Variants in TNKS observed in about 807,000 individuals in gnomAD.
TNKS encodes the protein poly [ADP-ribose] polymerase tankyrase-1.
Under a neutral mutation model 135.8 loss-of-function variants are expected in TNKS, and 72 were observed. The observed-to-expected ratio is 0.53, with a 90% CI of 0.44 to 0.64. The LOEUF (loss-of-function observed/expected upper bound fraction) is 0.64. TNKS is among the 30% of genes least tolerant of loss of function. The probability of loss-of-function intolerance (pLI) is 0.00; values close to 1 mark genes in which losing one functional copy is unlikely to be tolerated. For synonymous variants in TNKS, 849 were observed against 649.3 expected (o/e 1.31, Z -4.68); for missense variants, 1,769 against 1,674.0 (o/e 1.06, Z -0.99).
At chr8:9,650,274 C>T (rs1046760032) in intron 3 of TNKS, among the ~76,000 whole-genome samples, 3 of 152,116 alleles carry the variant, frequency 2.0e-5, no homozygotes, top group African/African-American at 4.8e-5. Flanking sequence ...AATTGTGCTG[C>T]TGTAAACATG....
At chr8:9,579,006 T>C (rs1798061920) in intron 1 of TNKS, among the ~76,000 whole-genome samples, 2 of 152,210 alleles carry the variant, frequency 1.3e-5, no homozygotes, top group Admixed American at 1.3e-4. Flanking sequence ...TACTGGACTT[T>C]GCATAATGTT....
At chr8:9,609,898 G>C (rs4483157) in intron 2 of TNKS, among the ~76,000 whole-genome samples, 43,743 of 151,694 alleles carry the variant, frequency 0.29, 6,594 homozygotes, top group East Asian at 0.38. Context: ...CGCTCTGTCG[G>C]CCAGGCTGGA....
chr8:9,580,487 G>C, intron 2 of TNKS, 104 bp downstream of exon 2: 1 of 998,034 alleles, frequency 1.0e-6, no homozygotes, highest in Non-Finnish European at 1.4e-6. Flanking sequence ...AGGGTTTATT[G>C]CTTCTTGTAG....
At chr8:9,617,009 C>G (rs1471036103) in intron 3 of TNKS, among the ~76,000 whole-genome samples, 1 of 152,186 alleles carries the variant, frequency 6.6e-6, no homozygotes, top group Non-Finnish European at 1.5e-5. Flanking sequence ...GAGCAAGACT[C>G]TTTGTATATC....
chr8:9,742,521 C>A (rs948271177), intron 17 of TNKS, among the ~76,000 whole-genome samples: 8 of 151,558 alleles, frequency 5.3e-5, no homozygotes, highest in African/African-American at 1.9e-4. Context: ...AGTAACCAAT[C>A]AGTAACCATA....
chr8:9,651,245 T>G (rs1267772328), intron 3 of TNKS, among the ~76,000 whole-genome samples: 1 of 152,194 alleles, frequency 6.6e-6, no homozygotes, highest in Non-Finnish European at 1.5e-5. Context: ...TTGGTTTTTT[T>G]AATCTTTAAT....
intron 3 of TNKS, among the ~76,000 whole-genome samples, chr8:9,676,686 CTGTGTGTG>C (rs147459978): frequency 4.7e-5 from 7 of 147,784 alleles, no homozygotes; most frequent in South Asian, 2.2e-4. Flanking sequence ...CTCTCTCTCT[CTGTGTGTG>C]TGTGTGTGTG....
intron 25 of TNKS, 89 bp downstream of exon 25, chr8:9,766,514 C>G: frequency 8.5e-7 from 1 of 1,169,890 alleles, no homozygotes; most frequent in Non-Finnish European, 1.1e-6. Context: ...GAGATGAAGT[C>G]TTGCTCTTGT....
At chr8:9,770,361 CCA>C (rs1807752152) in intron 26 of TNKS, 99 bp downstream of exon 26, 1 of 1,226,788 alleles carries the variant, frequency 8.2e-7, no homozygotes, top group South Asian at 1.5e-5. Flanking sequence ...GAAATATCCA[CCA>C]CACAGTGTGC....
intron 1 of TNKS, chr8:9,557,738 C>T (rs1054484175): frequency 5.3e-5 from 8 of 152,100 alleles, no homozygotes; most frequent in Non-Finnish European, 1.0e-4. Flanking sequence ...TCAGTTTGTT[C>T]TGTTAACAGT....
chr8:9,697,366 A>G (rs531094457), intron 5 of TNKS, among the ~76,000 whole-genome samples: 11 of 152,308 alleles, frequency 7.2e-5, no homozygotes, highest in African/African-American at 2.2e-4. Flanking sequence ...AAACCTAGGA[A>G]ATACCATCCT....
intron 2 of TNKS, among the ~76,000 whole-genome samples, chr8:9,599,959 A>C (rs1463371025): frequency 1.3e-5 from 2 of 152,236 alleles, no homozygotes; most frequent in African/African-American, 4.8e-5. Context: ...GACCTCTCCC[A>C]TGTAAAACTC....
intron 20 of TNKS, among the ~76,000 whole-genome samples, chr8:9,758,446 G>C (rs765518665): frequency 2.3e-4 from 35 of 152,008 alleles, no homozygotes; most frequent in Non-Finnish European, 4.7e-4. Context: ...TTGTGTGACT[G>C]TAAGTATCTA....
At chr8:9,569,330 C>G (rs1286362641) in intron 1 of TNKS, among the ~76,000 whole-genome samples, 1 of 152,186 alleles carries the variant, frequency 6.6e-6, no homozygotes, top group Non-Finnish European at 1.5e-5. Flanking sequence ...AGTGAACACA[C>G]CTGGGTAACT....
intron 1 of TNKS, among the ~76,000 whole-genome samples, chr8:9,569,979 CT>C (rs1185043590): frequency 1.3e-5 from 2 of 152,048 alleles, no homozygotes; most frequent in Non-Finnish European, 2.9e-5. Flanking sequence ...TCTATTGCTT[CT>C]CCTATTCTGA....
At chr8:9,582,962 C>T (rs918533368) in intron 2 of TNKS, among the ~76,000 whole-genome samples, 12 of 151,808 alleles carry the variant, frequency 7.9e-5, no homozygotes, top group African/African-American at 2.7e-4. Flanking sequence ...GTCAGGAGAT[C>T]GAGACCATCC....
At chr8:9,580,406 TA>T (rs757142370) in intron 2 of TNKS, 23 bp downstream of exon 2, 25 of 1,596,118 alleles carry the variant, frequency 1.6e-5, no homozygotes, top group Non-Finnish European at 2.1e-5. Flanking sequence ...TGATGATATC[TA>T]AATTTTAAAT....
intron 3 of TNKS, among the ~76,000 whole-genome samples, chr8:9,637,620 C>A (rs1240822476): frequency 6.6e-6 from 1 of 152,118 alleles, no homozygotes; most frequent in African/African-American, 2.4e-5. Flanking sequence ...AGCAATGGGA[C>A]AGTATCCTTT....
At chr8:9,583,886 A>AG (rs1454832818) in intron 2 of TNKS, among the ~76,000 whole-genome samples, 7 of 150,038 alleles carry the variant, frequency 4.7e-5, no homozygotes, top group African/African-American at 1.7e-4. Context: ...TGGGAGTCGG[A>AG]GGGTGCGGTG....
Sources: allele counts gnomAD v4.1 joint callset (sites outside exome capture counted in the v4.1 genomes callset), GRCh38; gene constraint gnomAD v4.1.1; transcripts MANE v1.5; gene names NCBI Gene and HGNC (gene_info 2026-07-23, HGNC 2026-07-21).